Variants in MYO1C observed in about 807,000 individuals in gnomAD.
The protein encoded by MYO1C is unconventional myosin-Ic.
In MYO1C, 104 loss-of-function variants were observed where a neutral mutation model predicts 150.8. That is an observed-to-expected ratio of 0.69 (90% CI 0.59 to 0.81). The LOEUF is 0.81. Ranked by LOEUF, MYO1C falls within the 30% of genes least tolerant of loss-of-function variation. The probability of loss-of-function intolerance (pLI) is 0.00; values close to 1 mark genes in which losing one functional copy is unlikely to be tolerated. For missense variants in MYO1C, 1,504 were observed against 1,435.0 expected, an observed-to-expected ratio of 1.05 and a Z score of -0.78; for synonymous variants, 663 against 579.9, an observed-to-expected ratio of 1.14 and a Z score of -2.06.
In MYO1C at chr17:1,468,514, G is replaced by T. The variant is rs45541839; in HGVS notation, c.2611-18C>A. The T allele has an allele frequency of 1.9e-3, 3,016 of 1,601,568 alleles. 44 individuals carry two copies. The African/African-American group carries it at 0.035, about 18-fold the overall frequency. On this transcript the variant is annotated intron_variant, in intron 25 of 31. Transcript: ENST00000648651. ...TGCTGCAGCTGAGGAGACAAGGGGG[G>T]TGAGGAGAGTGTCATGGTGGGGAGC...
intron 21 of MYO1C, 146 bp downstream of exon 21, chr17:1,470,925 T>C: frequency 2.0e-6 from 2 of 1,016,870 alleles, no homozygotes; most frequent in Non-Finnish European, 3.0e-6. Context: ...GCCATTGGAC[T>C]CTCTGGAGAA....
intron 17 of MYO1C, among the ~76,000 whole-genome samples, chr17:1,474,153 G>A (rs540632183): frequency 2.6e-5 from 4 of 152,104 alleles, no homozygotes; most frequent in East Asian, 1.9e-4. Flanking sequence ...AGGGACAGGC[G>A]TGGTGGCTCA....
intron 1 of MYO1C, chr17:1,485,285 A>G: frequency 8.8e-7 from 1 of 1,131,432 alleles, no homozygotes; most frequent in Non-Finnish European, 1.1e-6. Flanking sequence ...AGAGAAGAAC[A>G]AGGTGGTGGT....
chr17:1,483,252 G>A (rs1213197850), intron 3 of MYO1C, among the ~76,000 whole-genome samples, 193 bp from the exon 4 acceptor site: 1 of 152,142 alleles, frequency 6.6e-6, no homozygotes, highest in African/African-American at 2.4e-5. Flanking sequence ...CCGCCAGCGG[G>A]AGGACTGAGA....
chr17:1,464,981 T>G lies in MYO1C; in HGVS notation c.*745A>C, dbSNP rs1172339833. On this transcript the variant is annotated 3_prime_UTR_variant, in exon 32 of 32. Transcript: ENST00000648651. Reference sequence around the variant, plus strand: ...GCGTGCACCACCATGCCCGGCTAATTTTGTATTTTTACTAGAGGCGGAGTT... The same window carrying G: ...GCGTGCACCACCATGCCCGGCTAATGTTGTATTTTTACTAGAGGCGGAGTT... 6.6e-6 allele frequency: 1 copy of G among 151,780 alleles called. No individual in the cohort carries two copies. Among genetic ancestry groups the G allele is most frequent in the Non-Finnish European group, 1.5e-5 (1 of 67,976 alleles). The allele number at this position is 151,780 out of a possible 1,614,324, so 9.4% of individuals were successfully genotyped here.
At chr17:1,486,507 C>A (rs1459561477) in intron 1 of MYO1C, among the ~76,000 whole-genome samples, 1 of 143,812 alleles carries the variant, frequency 7.0e-6, no homozygotes, top group Admixed American at 7.0e-5. Flanking sequence ...CTCCTCCCTC[C>A]CTCCTTTTTT....
rs2286877 is a variant in MYO1C, at chr17:1,477,882, A to C, written c.1482+9T>G. On this transcript the variant is annotated intron_variant, in intron 13 of 31. Coordinates refer to ENST00000648651, the MANE Select transcript of MYO1C (RefSeq NM_001080779.2). ...CCAGCACCAGGCCTTGGAGGCGCAG[A>C]GGACTCACCAAAATCGAGATGATGC... The C allele has an allele frequency of 0.029, 46,456 of 1,612,396 alleles. 1,716 individuals are homozygous for C. The highest frequency in any genetic ancestry group is 0.15 in the Admixed American group (8,957 of 60,010).
In MYO1C at chr17:1,484,182, T is replaced by C; in HGVS notation, c.197A>G (p.Asn66Ser). ...NFTSEAAFIE[N>S]LRRRFRENLI... is the part of the protein sequence containing the mutation. ...ATTCTCCCGAAATCGCCGCCGCAGG[T>C]TCTCGATGAAGGCGGCCTCGCTGGT... is the stretch of plus-strand genomic sequence containing the variant. Residue 66 changes from asparagine (N) to serine (S), a missense_variant, in exon 2 of 32, where the codon AAC becomes AGC. Asn to Ser is a conservative substitution (Grantham distance 46). Coordinates refer to ENST00000648651, the MANE Select transcript of MYO1C (RefSeq NM_001080779.2). 6.2e-7 allele frequency: 1 copy of C among 1,612,870 alleles called. No homozygotes were observed. Among genetic ancestry groups the C allele is most frequent in the Non-Finnish European group, 8.5e-7 (1 of 1,179,994 alleles).
rs1039139981 is a variant in MYO1C, at chr17:1,464,470, G to A, written c.*1256C>T. ...AAGCTGTCTGTCATCCCAAGGCCTG[G>A]ACTCTGGCAGAGGCGCTTTTCCCAC... is the stretch of plus-strand genomic sequence containing the variant. On this transcript the variant is annotated 3_prime_UTR_variant, in exon 32 of 32. Transcript: ENST00000648651. 2 of 152,764 alleles carry A rather than the reference G, an allele frequency of 1.3e-5. No individual in the cohort carries two copies. Among genetic ancestry groups the A allele is most frequent in the Admixed American group, 6.5e-5 (1 of 15,282 alleles). 9.5% of individuals were successfully genotyped at this position (152,764 alleles called of 1,614,324 possible). A position where few individuals can be genotyped will look rare whatever the true frequency, so the allele number is the denominator to read the frequency against.
At chr17:1,484,855 C>A (rs1387642554) in intron 1 of MYO1C, among the ~76,000 whole-genome samples, 1 of 152,074 alleles carries the variant, frequency 6.6e-6, no homozygotes, top group African/African-American at 2.4e-5. Flanking sequence ...ATTCTGCAGG[C>A]AGGGTGGGGC....
At chr17:1,488,453 C>T (rs2074693359) in intron 1 of MYO1C, among the ~76,000 whole-genome samples, 1 of 152,228 alleles carries the variant, frequency 6.6e-6, no homozygotes, top group African/African-American at 2.4e-5. Flanking sequence ...GCTGCAGCGC[C>T]AGGCGCCTCC....
intron 1 of MYO1C, chr17:1,485,809 C>G: frequency 1.4e-6 from 1 of 694,748 alleles, no homozygotes; most frequent in Non-Finnish European, 1.8e-6. Context: ...GCCCGCCCCC[C>G]GCACCGCCCC....
At chr17:1,470,385 C>T in intron 23 of MYO1C, 50 bp downstream of exon 23, 1 of 1,544,968 alleles carries the variant, frequency 6.5e-7, no homozygotes, top group African/African-American at 1.4e-5. Context: ...GGCGGTGAAC[C>T]ACCCCCCACG....
intron 1 of MYO1C, chr17:1,491,939 C>T (rs2074740218): frequency 6.2e-6 from 1 of 161,134 alleles, no homozygotes; most frequent in South Asian, 1.5e-4. Flanking sequence ...CTTTGCATCT[C>T]CAGCCCCTTC....
rs752957790 is a variant in MYO1C at position 1,478,448 on chromosome 17, G to C, written c.1257C>G (p.Leu419=). Residue 419 remains leucine (L), a synonymous_variant, in exon 11 of 32, where the codon CTC becomes CTG. Transcript: ENST00000648651. This position sits in a 1 kb window ranked among gnomAD's most constrained non-coding sequence, Gnocchi z 6.3. The part of the protein sequence containing the change: ...PSWRSTTVLG[L]LDIYGFEVFQ... ...ACACTTCAAAGCCATAAATATCCAGGAGCCCGAGAACCGTGGTGCTCCGCC... is the reference window on the plus strand; with the variant it reads ...ACACTTCAAAGCCATAAATATCCAGCAGCCCGAGAACCGTGGTGCTCCGCC... 3 of 1,614,192 alleles carry C rather than the reference G, an allele frequency of 1.9e-6. No homozygotes were observed. Among genetic ancestry groups the C allele is most frequent in the Admixed American group, 3.3e-5 (2 of 60,020 alleles).
chr17:1,482,620 C>CCCTT, intron 4 of MYO1C, 62 bp from the exon 5 acceptor site: 1 of 1,374,658 alleles, frequency 7.3e-7, no homozygotes, highest in Non-Finnish European at 1.0e-6. Flanking sequence ...CCCACCCCGC[C>CCCTT]TTGTAGCTAC....
At chr17:1,469,387 A>G in intron 25 of MYO1C, 144 bp downstream of exon 25, 1 of 780,290 alleles carries the variant, frequency 1.3e-6, no homozygotes, top group Non-Finnish European at 2.2e-6. Flanking sequence ...ACCAGGGTAA[A>G]TACGGTAGAT....
intron 5 of MYO1C, among the ~76,000 whole-genome samples, chr17:1,481,882 C>G (rs2074530459): frequency 6.6e-6 from 1 of 151,868 alleles, no homozygotes; most frequent in African/African-American, 2.4e-5. Flanking sequence ...ACCGTTTGGC[C>G]TCTCTCTGTT....
At chr17:1,466,749 C>G (rs937823703) in intron 31 of MYO1C, among the ~76,000 whole-genome samples, 1 of 152,070 alleles carries the variant, frequency 6.6e-6, no homozygotes, top group Non-Finnish European at 1.5e-5. Flanking sequence ...CCTCAGCCCC[C>G]ACTAGTAGCT....
Sources: gnomAD v4.1 joint callset for allele counts (sites outside exome capture counted in the v4.1 genomes callset) on GRCh38, gnomAD v4.1.1 for gene constraint, Gnocchi (gnomAD v3.1) non-coding constraint, MANE v1.5 for transcripts, NCBI Gene and HGNC (gene_info 2026-07-23, HGNC 2026-07-21) for gene names.